EPB41L4A: variants seen among roughly 807,000 people sequenced by gnomAD.
The protein encoded by EPB41L4A is band 4.1-like protein 4A.
A neutral mutation model predicts 108.6 loss-of-function variants in EPB41L4A; 100 were observed. That is an observed-to-expected ratio of 0.92 (90% CI 0.78 to 1.09). EPB41L4A has a LOEUF of 1.09. Among genes scored for constraint, EPB41L4A ranks in the 50% least tolerant of loss-of-function variants. The pLI is 0.00. For synonymous variants in EPB41L4A, 319 were observed against 289.0 expected (o/e 1.10, Z -1.05); for missense variants, 1,030 against 842.7 (o/e 1.22, Z -2.75).
chr5:112,360,753 G>C (rs190739714), intron 1 of EPB41L4A, among the ~76,000 whole-genome samples: 3 of 152,128 alleles, frequency 2.0e-5, no homozygotes, highest in Admixed American at 2.0e-4. Context: ...AGTGAGGAGC[G>C]CCTCTTCCCG....
intron 17 of EPB41L4A, among the ~76,000 whole-genome samples, chr5:112,188,566 A>G (rs1761535825): frequency 6.6e-6 from 1 of 152,166 alleles, no homozygotes; most frequent in Non-Finnish European, 1.5e-5. Context: ...TATACTCTGG[A>G]AGCCCTAAAT....
At chr5:112,246,834 T>C (rs1462950712) in intron 9 of EPB41L4A, among the ~76,000 whole-genome samples, 3 of 152,196 alleles carry the variant, frequency 2.0e-5, no homozygotes, top group Admixed American at 1.3e-4. Flanking sequence ...ATGACTATTT[T>C]TCCCTACCCC....
At chr5:112,292,219 T>G (rs940976095) in intron 2 of EPB41L4A, among the ~76,000 whole-genome samples, 11 of 152,188 alleles carry the variant, frequency 7.2e-5, no homozygotes, top group Non-Finnish European at 1.6e-4. Flanking sequence ...ATCTGCTATG[T>G]GATTGAATGG....
intron 1 of EPB41L4A, among the ~76,000 whole-genome samples, chr5:112,328,804 T>C (rs1232062999): frequency 6.6e-6 from 1 of 152,244 alleles, no homozygotes; most frequent in Admixed American, 6.5e-5. Flanking sequence ...TACATTAGAA[T>C]GAAACACAAA....
intron 12 of EPB41L4A, chr5:112,228,606 C>G: frequency 1.5e-6 from 1 of 654,638 alleles, no homozygotes; most frequent in East Asian, 1.4e-4. Flanking sequence ...AATGGCTTCA[C>G]CCATTACTTT....
intron 1 of EPB41L4A, among the ~76,000 whole-genome samples, chr5:112,342,122 T>C (rs1367661818): frequency 5.3e-5 from 8 of 152,166 alleles, no homozygotes; most frequent in Non-Finnish European, 1.2e-4. Flanking sequence ...TATTAAAATC[T>C]TCCCTTTTAT....
intron 20 of EPB41L4A, among the ~76,000 whole-genome samples, chr5:112,169,399 T>A (rs1313055124): frequency 6.6e-6 from 1 of 152,192 alleles, no homozygotes; most frequent in Non-Finnish European, 1.5e-5. Context: ...GTGGAATTCT[T>A]CTTAGTAGCG....
chr5:112,296,925 G>C (rs1754022917), intron 2 of EPB41L4A, among the ~76,000 whole-genome samples: 1 of 151,938 alleles, frequency 6.6e-6, no homozygotes, highest in South Asian at 2.1e-4. Context: ...AGGTTGCTGT[G>C]AATGCCATTA....
chr5:112,306,038 A>T (rs1754660238), intron 2 of EPB41L4A, among the ~76,000 whole-genome samples: 1 of 152,158 alleles, frequency 6.6e-6, no homozygotes, highest in Non-Finnish European at 1.5e-5. Flanking sequence ...GCAAAGTTTA[A>T]AAAAGGTAAG....
chr5:112,250,449 C>G (rs1207221740), intron 9 of EPB41L4A, among the ~76,000 whole-genome samples: 1 of 152,130 alleles, frequency 6.6e-6, no homozygotes. Context: ...CCTAAAAAGT[C>G]AGTATTTCTC....
At chr5:112,197,917 TA>T (rs1450013716) in intron 15 of EPB41L4A, among the ~76,000 whole-genome samples, 1 of 152,176 alleles carries the variant, frequency 6.6e-6, no homozygotes, top group African/African-American at 2.4e-5. Flanking sequence ...CTTTATTCTA[TA>T]CAAACAATTA....
chr5:112,247,665 T>C (rs1750346727), intron 9 of EPB41L4A, among the ~76,000 whole-genome samples: 1 of 152,206 alleles, frequency 6.6e-6, no homozygotes, highest in Non-Finnish European at 1.5e-5. Flanking sequence ...TTCGCTGATA[T>C]AATACAGGTC....
chr5:112,242,482 T>A (rs59413146), intron 9 of EPB41L4A, among the ~76,000 whole-genome samples: 4,414 of 152,288 alleles, frequency 0.029, 226 homozygotes, highest in African/African-American at 0.1. Context: ...TTCTACCGCA[T>A]CTGCAGTTAC....
At chr5:112,351,454 A>G (rs1162084976) in intron 1 of EPB41L4A, among the ~76,000 whole-genome samples, 1 of 152,208 alleles carries the variant, frequency 6.6e-6, no homozygotes, top group Non-Finnish European at 1.5e-5. Flanking sequence ...ATAACAAGTA[A>G]TGAGATTAGA....
Position 112,271,864 on chromosome 5 carries a change from C to T in EPB41L4A, c.335+3462G>A, listed in dbSNP as rs113878357. Among the ~76,000 whole-genome samples, 246 of 152,234 alleles carry T rather than the reference C, an allele frequency of 1.6e-3. 3 individuals carry two copies. Among genetic ancestry groups the T allele is most frequent in the African/African-American group, 5.5e-3 (230 of 41,536 alleles). The stretch of plus-strand genomic sequence containing the variant: ...CTAAAAGTGCTTAATAGGAAGCTGG[C>T]TGATGTGTCAGAAATGTTCTACACG... On this transcript the variant is annotated intron_variant, in intron 4 of 22. Coordinates refer to ENST00000261486, the MANE Select transcript of EPB41L4A (RefSeq NM_022140.5).
intron 4 of EPB41L4A, 30 bp from the exon 5 acceptor site, chr5:112,266,360 G>A (rs371954649): frequency 1.7e-5 from 25 of 1,451,984 alleles, no homozygotes; most frequent in African/African-American, 4.2e-5. Flanking sequence ...AGAGATTAAC[G>A]ATCTCTTACA....
intron 1 of EPB41L4A, among the ~76,000 whole-genome samples, chr5:112,350,137 T>G: frequency 1.5e-5 from 1 of 64,996 alleles, no homozygotes; most frequent in South Asian, 9.6e-4. Flanking sequence ...GACTCAATCT[T>G]TATATATTTT....
intron 1 of EPB41L4A, among the ~76,000 whole-genome samples, chr5:112,344,364 T>TAATAATAAGA (rs1231583027): frequency 9.2e-5 from 14 of 152,278 alleles, no homozygotes; most frequent in African/African-American, 3.4e-4. Context: ...GAACATTAAT[T>TAATAATAAGA]TACAATGACC....
rs941647617 is a variant in EPB41L4A at position 112,275,278 on chromosome 5, T to G, written c.335+48A>C. ...TTAATTTGTTTTAAATAAAGCTTTT[T>G]GTATATGCAATGCATGTATCTGTTC... On this transcript the variant is annotated intron_variant, in intron 4 of 22. Coordinates refer to ENST00000261486, the MANE Select transcript of EPB41L4A (RefSeq NM_022140.5). 3.3e-6 allele frequency: 5 copies of G among 1,496,368 alleles called. No homozygotes were observed. The African/African-American group carries it at 4.2e-5, about 13-fold the overall frequency. 92.7% of individuals were successfully genotyped at this position (1,496,368 alleles called of 1,614,324 possible). A position where few individuals can be genotyped will look rare whatever the true frequency, so the allele number is the denominator to read the frequency against.
Sources: gnomAD v4.1 joint callset for allele counts (sites outside exome capture counted in the v4.1 genomes callset) on GRCh38, gnomAD v4.1.1 for gene constraint, MANE v1.5 for transcripts, NCBI Gene and HGNC (gene_info 2026-07-23, HGNC 2026-07-21) for gene names.